The following RGS6 variants were observed in gnomAD, a reference collection of about 807,000 sequenced individuals.
The protein encoded by RGS6 is regulator of G protein signaling 6.
A neutral mutation model predicts 78.5 loss-of-function variants in RGS6; 30 were observed. That is an observed-to-expected ratio of 0.38 (90% CI 0.29 to 0.52). The LOEUF is 0.52. Among genes scored for constraint, RGS6 ranks in the 20% least tolerant of loss-of-function variants. The pLI, the probability that RGS6 is intolerant of heterozygous loss-of-function variation, is 0.85. For missense variants in RGS6, 495 were observed against 609.7 expected (o/e 0.81, Z 1.98); for synonymous variants, 206 against 206.0 (o/e 1.00, Z 0.00).
At chr14:71,974,412 A>G (rs1448647647) in intron 2 of RGS6, among the ~76,000 whole-genome samples, 1 of 152,240 alleles carries the variant, frequency 6.6e-6, no homozygotes, top group Non-Finnish European at 1.5e-5. Context: ...AGATATAGAC[A>G]TACACCCACT....
At chr14:71,887,176 T>C in the RGS6 span, among the ~76,000 whole-genome samples, 1 of 152,246 alleles carries the variant, frequency 6.6e-6, no homozygotes, top group African/African-American at 2.4e-5. Flanking sequence ...TAATTTCTTA[T>C]GCCTGTCTTT....
chr14:71,886,745 G>A, the RGS6 span, among the ~76,000 whole-genome samples: 4 of 152,182 alleles, frequency 2.6e-5, no homozygotes. Context: ...GGTATATCTT[G>A]ACAAAGTTTT....
intron 2 of RGS6, among the ~76,000 whole-genome samples, chr14:72,257,568 T>C (rs2057331303): frequency 6.6e-6 from 1 of 152,218 alleles, no homozygotes; most frequent in Non-Finnish European, 1.5e-5. Flanking sequence ...ATGTGATGTG[T>C]TCACTAGAAG....
chr14:71,952,288 A>C (rs2092394792), intron 1 of RGS6, among the ~76,000 whole-genome samples: 1 of 152,182 alleles, frequency 6.6e-6, no homozygotes, highest in South Asian at 2.1e-4. Context: ...CAGATCAAGC[A>C]AGCCCCCTTA....
chr14:72,047,068 C>T (rs958913292), intron 2 of RGS6, among the ~76,000 whole-genome samples: 6 of 152,182 alleles, frequency 3.9e-5, no homozygotes, highest in African/African-American at 1.4e-4. Context: ...GATGCTTCTA[C>T]ATAAAATTCC....
At chr14:72,579,245 C>T in the RGS6 span, among the ~76,000 whole-genome samples, 7 of 152,164 alleles carry the variant, frequency 4.6e-5, no homozygotes, top group Non-Finnish European at 1.0e-4. Context: ...CTTCCATGAC[C>T]ACCACCTGGA....
intron 2 of RGS6, among the ~76,000 whole-genome samples, chr14:72,263,988 GAC>G (rs1041126883): frequency 2.0e-5 from 3 of 152,174 alleles, no homozygotes; most frequent in Non-Finnish European, 4.4e-5. Context: ...ACTGTTTACT[GAC>G]ACCCTTAGCA....
downstream of RGS6, among the ~76,000 whole-genome samples, chr14:72,568,343 G>A (rs184528546): frequency 1.4e-4 from 21 of 152,356 alleles, 1 homozygote; most frequent in East Asian, 4.1e-3. Context: ...GGGTGCTGGT[G>A]TTAGCTGGAG....
At chr14:71,936,030 A>ATGATATATACATATATATATATATATG (rs113224504) in intron 1 of RGS6, among the ~76,000 whole-genome samples, 1 of 133,222 alleles carries the variant, frequency 7.5e-6, no homozygotes, top group South Asian at 2.4e-4. Context: ...ATATATATAT[A>ATGATATATACATATATATATATATATG]TATATATATA....
intron 2 of RGS6, among the ~76,000 whole-genome samples, chr14:72,097,079 G>A (rs1406490603): frequency 1.3e-5 from 2 of 152,232 alleles, no homozygotes. Context: ...CTTGACAATA[G>A]TAATTGGGAG....
chr14:72,474,340 A>AT (rs1350617602), intron 9 of RGS6, among the ~76,000 whole-genome samples: 1 of 152,204 alleles, frequency 6.6e-6, no homozygotes, highest in Non-Finnish European at 1.5e-5. Context: ...GTAAAAAAAA[A>AT]TTTTAAGGAC....
At chr14:72,483,362 C>T (rs564397966) in intron 12 of RGS6, among the ~76,000 whole-genome samples, 4 of 152,166 alleles carry the variant, frequency 2.6e-5, no homozygotes, top group East Asian at 1.9e-4. Flanking sequence ...GGGAGCCATT[C>T]GTGTGTCACA....
At chr14:72,396,635 A>G (rs1346518701) in intron 3 of RGS6, among the ~76,000 whole-genome samples, 2 of 152,150 alleles carry the variant, frequency 1.3e-5, no homozygotes, top group African/African-American at 4.8e-5. Context: ...TATGTCCTGA[A>G]TGGTATTGCC....
chr14:71,981,308 A>G (rs1000844478), intron 2 of RGS6, among the ~76,000 whole-genome samples: 43 of 152,184 alleles, frequency 2.8e-4, no homozygotes, highest in African/African-American at 1.0e-3. Context: ...CTGGTGAGGA[A>G]CTGCTTCCCT....
chr14:72,324,776 T>C (rs1246511534), intron 2 of RGS6, among the ~76,000 whole-genome samples: 3 of 152,080 alleles, frequency 2.0e-5, no homozygotes, highest in Non-Finnish European at 4.4e-5. Context: ...TTGGGTTGGT[T>C]CCAAGTCTTT....
the RGS6 span, among the ~76,000 whole-genome samples, chr14:71,909,621 G>A: frequency 2.0e-4 from 1 of 5,002 alleles, no homozygotes; most frequent in Non-Finnish European, 6.0e-4. Context: ...GGAGAGAGAG[G>A]GGGGAAAGAG....
intron 2 of RGS6, among the ~76,000 whole-genome samples, chr14:72,243,879 C>A (rs2053551274): frequency 6.6e-6 from 1 of 152,080 alleles, no homozygotes; most frequent in Non-Finnish European, 1.5e-5. Context: ...ACAGTTCACT[C>A]TGTAGAGAAA....
intron 3 of RGS6, among the ~76,000 whole-genome samples, chr14:72,396,231 G>T (rs2091228763): frequency 6.6e-6 from 1 of 152,168 alleles, no homozygotes; most frequent in African/African-American, 2.4e-5. Flanking sequence ...CATTCTAACT[G>T]GTGTGAGATG....
At chr14:72,585,065 T>C in the RGS6 span, among the ~76,000 whole-genome samples, 3 of 150,738 alleles carry the variant, frequency 2.0e-5, no homozygotes, top group East Asian at 5.8e-4. Flanking sequence ...CAAAAAAAAA[T>C]GATATGTGCT....
Sources: allele counts gnomAD v4.1 joint callset (sites outside exome capture counted in the v4.1 genomes callset), GRCh38; gene constraint gnomAD v4.1.1; transcripts MANE v1.5; gene names NCBI Gene and HGNC (gene_info 2026-07-23, HGNC 2026-07-21).